Variants in COL15A1 observed in about 807,000 individuals in gnomAD.
COL15A1 encodes collagen type XV alpha 1 chain.
In COL15A1, 111 loss-of-function variants were observed where a neutral mutation model predicts 165.9. The observed-to-expected ratio is 0.67, with a 90% CI of 0.57 to 0.78. The LOEUF (loss-of-function observed/expected upper bound fraction) is 0.78. Ranked by LOEUF, COL15A1 falls within the 30% of genes least tolerant of loss-of-function variation. The probability of loss-of-function intolerance (pLI) is 0.00; values close to 1 mark genes in which losing one functional copy is unlikely to be tolerated. For missense variants in COL15A1, 1,745 were observed against 1,789.7 expected (o/e 0.98, Z 0.45); for synonymous variants, 659 against 674.8 (o/e 0.98, Z 0.36).
chr9:99,005,864 T>C (rs1838754240), intron 9 of COL15A1, among the ~76,000 whole-genome samples: 1 of 152,122 alleles, frequency 6.6e-6, no homozygotes, highest in South Asian at 2.1e-4. Flanking sequence ...TCAGCCCCAC[T>C]TCTTGGAAGC....
chr9:98,952,775 A>G (rs1837711483), intron 2 of COL15A1, among the ~76,000 whole-genome samples: 1 of 152,260 alleles, frequency 6.6e-6, no homozygotes, highest in African/African-American at 2.4e-5. Flanking sequence ...CTATTGCCTC[A>G]TCACTGTACT....
At chr9:98,976,458 G>A (rs1838143609) in intron 2 of COL15A1, among the ~76,000 whole-genome samples, 1 of 152,134 alleles carries the variant, frequency 6.6e-6, no homozygotes, top group Non-Finnish European at 1.5e-5. Context: ...CCCCTCCCTG[G>A]GTCTCTCATT....
chr9:99,052,965 A>G (rs1383608839), intron 31 of COL15A1, among the ~76,000 whole-genome samples: 1 of 152,228 alleles, frequency 6.6e-6, no homozygotes, highest in African/African-American at 2.4e-5. Context: ...GCCCCACCCT[A>G]GACCTGCTGA....
intron 2 of COL15A1, among the ~76,000 whole-genome samples, chr9:98,962,243 G>A (rs1372268778): frequency 6.6e-6 from 1 of 152,158 alleles, no homozygotes; most frequent in African/African-American, 2.4e-5. Context: ...GGAATAACTC[G>A]GGTGGGAGGT....
chr9:99,066,958 C>A lies in COL15A1; in HGVS notation c.3728C>A (p.Ala1243Asp). Residue 1243 changes from alanine (A) to aspartate (D), a missense_variant, in exon 40 of 42, where the codon GCT becomes GAT. Ala to Asp is a moderately radical substitution (Grantham distance 126). Coordinates refer to ENST00000375001, the MANE Select transcript of COL15A1 (RefSeq NM_001855.5). ...ADFQCFKQAR[A>D]AGLLSTYRAF... ...TTTCAGTGCTTCAAGCAGGCCAGAG[C>A]TGCAGGACTGTTGTCCACCTACCGA... is the stretch of plus-strand genomic sequence containing the variant. 1.2e-6 allele frequency: 2 copies of A among 1,614,156 alleles called. No homozygotes were observed. Among genetic ancestry groups the A allele is most frequent in the Non-Finnish European group, 8.5e-7 (1 of 1,180,008 alleles).
In COL15A1 at chr9:99,069,717, G is replaced by T; in HGVS notation, c.3998G>T (p.Arg1333Leu). The change falls in exon 42 of 42, where the codon CGC becomes CTC. Residue 1333 changes from arginine (R) to leucine (L), a missense_variant. Arg to Leu is a moderately radical substitution (Grantham distance 102). Coordinates refer to ENST00000375001, the MANE Select transcript of COL15A1 (RefSeq NM_001855.5). ...IWHGSSPHGV[R>L]LVDNYCEAWR... ...CATGGCTCCAGCCCCCATGGCGTCC[G>T]CCTTGTGGATAACTACTGTGAAGCA... is the stretch of plus-strand genomic sequence containing the variant. The T allele has an allele frequency of 1.2e-6, 2 of 1,613,542 alleles. No individual in the cohort carries two copies. Among genetic ancestry groups the T allele is most frequent in the Non-Finnish European group, 1.7e-6 (2 of 1,179,464 alleles).
intron 2 of COL15A1, among the ~76,000 whole-genome samples, chr9:98,950,628 C>T (rs1245968017): frequency 7.2e-6 from 1 of 139,332 alleles, no homozygotes; most frequent in Non-Finnish European, 1.5e-5. Context: ...TTCTTTCTTT[C>T]TTTTGACAGA....
intron 9 of COL15A1, among the ~76,000 whole-genome samples, chr9:99,013,129 C>T (rs914211030): frequency 1.3e-5 from 2 of 152,214 alleles, no homozygotes; most frequent in Admixed American, 6.5e-5. Flanking sequence ...CATTTCCACC[C>T]TCTTACGTGT....
intron 2 of COL15A1, among the ~76,000 whole-genome samples, chr9:98,976,951 C>T (rs1372553790): frequency 1.3e-5 from 2 of 152,078 alleles, no homozygotes; most frequent in African/African-American, 2.4e-5. Flanking sequence ...AGCAGTTCCT[C>T]AAGTGGAGGG....
chr9:99,044,464 G>A (rs1415380381), intron 24 of COL15A1, 104 bp from the exon 25 acceptor site: 16 of 1,003,006 alleles, frequency 1.6e-5, no homozygotes, highest in Middle Eastern at 3.1e-4. Context: ...GCAGGACTCA[G>A]AGGTCTCTGT....
At chr9:99,068,960 GAA>G (rs1192014223) in intron 41 of COL15A1, among the ~76,000 whole-genome samples, 2 of 152,178 alleles carry the variant, frequency 1.3e-5, no homozygotes, top group African/African-American at 4.8e-5. Context: ...AGAATAAAAT[GAA>G]TATATGTGAA....
chr9:99,060,064 T>C, intron 36 of COL15A1, 111 bp downstream of exon 36: 3 of 1,150,848 alleles, frequency 2.6e-6, no homozygotes, highest in South Asian at 1.6e-5. Flanking sequence ...GCCTTCATGA[T>C]AGTAGGCTTG....
intron 21 of COL15A1, among the ~76,000 whole-genome samples, chr9:99,036,787 G>A (rs1403588903): frequency 6.6e-6 from 1 of 152,244 alleles, no homozygotes; most frequent in Non-Finnish European, 1.5e-5. Flanking sequence ...GAGGTTAGGT[G>A]GAAGGCCTTC....
Position 99,024,854 on chromosome 9 carries a change from C to A in COL15A1, c.1855-20C>A. On this transcript the variant is annotated intron_variant, in intron 14 of 41. Transcript: ENST00000375001. ...TTCGGTATTCCCCCACTGTTTCTAA[C>A]AGAGTCTTTGTGTTTTTAGGGTCCT... 6.2e-7 allele frequency: 1 copy of A among 1,608,144 alleles called. No homozygotes were observed. Among genetic ancestry groups the A allele is most frequent in the Non-Finnish European group, 8.5e-7 (1 of 1,177,784 alleles).
intron 39 of COL15A1, among the ~76,000 whole-genome samples, chr9:99,066,111 G>A (rs1215937090): frequency 1.3e-5 from 2 of 152,080 alleles, no homozygotes; most frequent in East Asian, 1.9e-4. Context: ...AGTTACCCCC[G>A]AGATGAGATT....
At chr9:99,002,840 T>A (rs1838684660) in intron 7 of COL15A1, among the ~76,000 whole-genome samples, 1 of 152,258 alleles carries the variant, frequency 6.6e-6, no homozygotes, top group Admixed American at 6.5e-5. Flanking sequence ...CCTGGTGTTT[T>A]TTGTAACCAA....
At chr9:98,965,068 C>T (rs946743943) in intron 2 of COL15A1, among the ~76,000 whole-genome samples, 5 of 152,164 alleles carry the variant, frequency 3.3e-5, no homozygotes, top group African/African-American at 1.2e-4. Context: ...AAGTATGTCT[C>T]CTGCTGTTGC....
At chr9:99,001,203 C>T (rs998567711) in intron 7 of COL15A1, among the ~76,000 whole-genome samples, 16 of 152,118 alleles carry the variant, frequency 1.1e-4, no homozygotes, top group African/African-American at 3.6e-4. Context: ...GATGAGCGAG[C>T]GTCCAGGCCT....
intron 2 of COL15A1, among the ~76,000 whole-genome samples, chr9:98,963,533 C>T (rs1044668629): frequency 1.3e-5 from 2 of 152,188 alleles, no homozygotes; most frequent in Non-Finnish European, 2.9e-5. Context: ...TTTTGAAATT[C>T]CCCAGTGCTG....
Sources: gnomAD v4.1 joint callset for allele counts (sites outside exome capture counted in the v4.1 genomes callset) on GRCh38, gnomAD v4.1.1 for gene constraint, MANE v1.5 for transcripts, NCBI Gene and HGNC (gene_info 2026-07-23, HGNC 2026-07-21) for gene names.